Variants in PDPR observed in about 807,000 individuals in gnomAD.
PDPR encodes the protein pyruvate dehydrogenase phosphatase regulatory subunit.
Under a neutral mutation model 102.2 loss-of-function variants are expected in PDPR, and 50 were observed. The observed-to-expected ratio is 0.49, with a 90% CI of 0.39 to 0.62. The LOEUF is 0.62. PDPR is among the 20% of genes least tolerant of loss of function. PDPR has a pLI of 0.00. For synonymous variants in PDPR, 259 were observed against 406.0 expected (o/e 0.64, Z 4.35); for missense variants, 625 against 1,098.2 (o/e 0.57, Z 6.09).
Position 70,156,724 on chromosome 16 carries a change from G to A in PDPR, c.2485G>A (p.Val829Met), listed in dbSNP as rs749413646. The change falls in exon 19 of 19, where the codon GTG (valine) becomes ATG (methionine). Residue 829 changes from valine (V) to methionine (M), a missense_variant. Transcript: ENST00000288050. Reference sequence around the variant, plus strand: ...TTCTGAGGACACGGGGGAAGAGCAAGTGGTGACAGCAGATTTCATCAACCG... The same window carrying A: ...TTCTGAGGACACGGGGGAAGAGCAAATGGTGACAGCAGATTTCATCAACCG... ...NFSEDTGEEQVVTADFINRGE... is the reference protein window; with the variant it reads ...NFSEDTGEEQMVTADFINRGE... The A allele has an allele frequency of 6.2e-7, 1 of 1,614,120 alleles. No homozygotes were observed. The highest frequency in any genetic ancestry group is 1.7e-5 in the Admixed American group (1 of 60,034).
rs1967721474 is a variant in PDPR at position 70,160,910 on chromosome 16, A to C, written c.*4031A>C. 1 of 152,370 alleles carries C rather than the reference A, an allele frequency of 6.6e-6. No homozygotes were observed. The highest frequency in any genetic ancestry group is 1.5e-5 in the Non-Finnish European group (1 of 68,190). 9.4% of individuals were successfully genotyped at this position (152,370 alleles called of 1,614,324 possible). The stretch of plus-strand genomic sequence containing the variant: ...CTGGCATATGGACACATTTCCTGGC[A>C]TTTGCCTGAGTCTACACCACTTTTT... On this transcript the variant is annotated 3_prime_UTR_variant, in exon 19 of 19. Transcript: ENST00000288050.
In PDPR at chr16:70,156,914, C is replaced by A; in HGVS notation, c.*35C>A. ...GGCAGCCTCACCTCCTCCCCATCATCTTGTCCTAGAGTGGGCGTCACCTTG... is the reference window on the plus strand; with the variant it reads ...GGCAGCCTCACCTCCTCCCCATCATATTGTCCTAGAGTGGGCGTCACCTTG... On this transcript the variant is annotated 3_prime_UTR_variant, in exon 19 of 19. Coordinates refer to ENST00000288050, the MANE Select transcript of PDPR (RefSeq NM_017990.5). The A allele has an allele frequency of 6.2e-7, 1 of 1,605,042 alleles. No individual in the cohort carries two copies. The highest frequency in any genetic ancestry group is 2.3e-5 in the East Asian group (1 of 44,326).
chr16:70,120,386 T>G, intron 2 of PDPR, 75 bp from the exon 3 acceptor site: 1 of 785,536 alleles, frequency 1.3e-6, no homozygotes, highest in East Asian at 2.7e-5. Flanking sequence ...GCTATCGTTC[T>G]TTGTCAAATC....
At chr16:70,131,867 A>G in intron 8 of PDPR, 1 of 1,434,928 alleles carries the variant, frequency 7.0e-7, no homozygotes, top group East Asian at 3.7e-5. Flanking sequence ...CGCTTGGCAC[A>G]GTGGGAGTTA....
intron 11 of PDPR, among the ~76,000 whole-genome samples, chr16:70,140,302 C>G (rs188144207): frequency 2.6e-5 from 4 of 152,252 alleles, no homozygotes; most frequent in African/African-American, 7.2e-5. Flanking sequence ...GATGGTGCCA[C>G]TGTGTACTCC....
chr16:70,163,215 T>C (rs1426166320), downstream of PDPR, among the ~76,000 whole-genome samples: 1 of 152,222 alleles, frequency 6.6e-6, no homozygotes, highest in African/African-American at 2.4e-5. Flanking sequence ...CCCAAAGTGC[T>C]GGGATTACAG....
chr16:70,142,062 T>C (rs1965770100), intron 11 of PDPR, among the ~76,000 whole-genome samples, 172 bp from the exon 12 acceptor site: 2 of 152,120 alleles, frequency 1.3e-5, no homozygotes, highest in South Asian at 4.1e-4. Flanking sequence ...ATTGTGCCAC[T>C]GCACTCCAGC....
intron 18 of PDPR, 139 bp downstream of exon 18, chr16:70,153,712 A>G (rs1181020249): frequency 2.2e-6 from 2 of 929,202 alleles, no homozygotes; most frequent in African/African-American, 1.7e-5. Context: ...AAATGAGGAC[A>G]AGAGTGCCCT....
At chr16:70,135,305 C>G (rs1334526301) in intron 9 of PDPR, among the ~76,000 whole-genome samples, 1 of 150,204 alleles carries the variant, frequency 6.7e-6, no homozygotes, top group Non-Finnish European at 1.5e-5. Context: ...GTCACGATCT[C>G]TGCTCACTTC....
In PDPR at chr16:70,159,592, A is replaced by G. The variant is rs1315286503; in HGVS notation, c.*2713A>G. 6.5e-6 allele frequency: 1 copy of G among 152,926 alleles called. No individual in the cohort carries two copies. The highest frequency in any genetic ancestry group is 2.4e-5 in the African/African-American group (1 of 41,492). The allele number at this position is 152,926 out of a possible 1,614,324, so 9.5% of individuals were successfully genotyped here. A position where few individuals can be genotyped will look rare whatever the true frequency, so the allele number is the denominator to read the frequency against. On this transcript the variant is annotated 3_prime_UTR_variant, in exon 19 of 19. Transcript: ENST00000288050. ...GATTGGTCTAATGTGAGCTCTTTGA[A>G]CAGACAGATCTGACAGTGAATGACT...
At chr16:70,143,711 G>A (rs2303199) in intron 14 of PDPR, 53 bp downstream of exon 14, 4 of 1,582,452 alleles carry the variant, frequency 2.5e-6, no homozygotes, top group African/African-American at 1.4e-5. Flanking sequence ...GATTCCTTAG[G>A]GGTGCTGTAG....
chr16:70,127,528 G>A (rs367976461), intron 4 of PDPR, 135 bp downstream of exon 4: 14 of 1,465,238 alleles, frequency 9.6e-6, no homozygotes, highest in African/African-American at 4.2e-5. Flanking sequence ...GGTGGCTCAC[G>A]CCTGTAATCC....
intron 3 of PDPR, among the ~76,000 whole-genome samples, chr16:70,121,523 C>T (rs1301109904): frequency 2.0e-5 from 3 of 151,934 alleles, no homozygotes; most frequent in African/African-American, 7.2e-5. Flanking sequence ...GAAAACCTGT[C>T]TCTGCTAAAC....
chr16:70,138,409 G>T (rs1378388246), intron 10 of PDPR, among the ~76,000 whole-genome samples: 1 of 152,170 alleles, frequency 6.6e-6, no homozygotes. Flanking sequence ...TAGAGACAGG[G>T]TTTCTCCACA....
chr16:70,148,193 GT>G (rs1861001931), intron 16 of PDPR, among the ~76,000 whole-genome samples: 1 of 152,232 alleles, frequency 6.6e-6, no homozygotes, highest in Non-Finnish European at 1.5e-5. Context: ...TTTTGTGCTT[GT>G]CAAGGACTTT....
At position 70,156,981 on chromosome 16, in the gene PDPR, T is replaced by C; in HGVS notation, c.*102T>C. On this transcript the variant is annotated 3_prime_UTR_variant, in exon 19 of 19. Transcript: ENST00000288050. ...CGCCTCTGTTCCTCTTCTGGAGCCT[T>C]TGCCTCCCATCTCTTATCTCCTTGA... 5.4e-6 allele frequency: 8 copies of C among 1,468,932 alleles called. No individual in the cohort carries two copies. The highest frequency in any genetic ancestry group is 7.5e-6 in the Non-Finnish European group (8 of 1,072,604). The allele number at this position is 1,468,932 out of a possible 1,614,324, so 91.0% of individuals were successfully genotyped here.
At chr16:70,154,636 G>GT (rs1183130036) in intron 18 of PDPR, among the ~76,000 whole-genome samples, 65 of 152,206 alleles carry the variant, frequency 4.3e-4, no homozygotes, top group Non-Finnish European at 8.7e-4. Context: ...AATTTTTGTG[G>GT]TTTTTTTCTT....
At chr16:70,163,187 A>G (rs1301723063), downstream of PDPR, among the ~76,000 whole-genome samples, 8 of 152,108 alleles carry the variant, frequency 5.3e-5, no homozygotes, top group South Asian at 4.2e-4. Flanking sequence ...ACCTCAAGTG[A>G]TCCACCCACC....
At chr16:70,120,777 C>T in intron 3 of PDPR, 58 bp downstream of exon 3, 1 of 1,145,542 alleles carries the variant, frequency 8.7e-7, no homozygotes, top group East Asian at 2.4e-5. Flanking sequence ...ATAAGATTCC[C>T]TCTCCTTTCA....
Sources: gnomAD v4.1 joint callset for allele counts (sites outside exome capture counted in the v4.1 genomes callset) on GRCh38, gnomAD v4.1.1 for gene constraint, MANE v1.5 for transcripts, NCBI Gene and HGNC (gene_info 2026-07-23, HGNC 2026-07-21) for gene names.